ADAR: variants seen among roughly 807,000 people sequenced by gnomAD.
The protein encoded by ADAR is adenosine deaminase RNA specific.
Under a neutral mutation model 113.2 loss-of-function variants are expected in ADAR, and 41 were observed. That is an observed-to-expected ratio of 0.36 (90% CI 0.28 to 0.47). The LOEUF is 0.47. ADAR is among the 20% of genes least tolerant of loss of function. The probability of loss-of-function intolerance (pLI) is 1.00; values close to 1 mark genes in which losing one functional copy is unlikely to be tolerated. For synonymous variants in ADAR, 605 were observed against 572.6 expected (o/e 1.06, Z -0.81); for missense variants, 1,242 against 1,540.9 (o/e 0.81, Z 3.25).
At chr1:154,617,833 A>G (rs2101692725) in intron 1 of ADAR, among the ~76,000 whole-genome samples, 1 of 152,106 alleles carries the variant, frequency 6.6e-6, no homozygotes, top group African/African-American at 2.4e-5. Flanking sequence ...TTTTCTACCT[A>G]TGGAAATTCT....
At position 154,589,373 on chromosome 1, in the gene ADAR, T is replaced by A; in HGVS notation, c.2758A>T (p.Ile920Phe). Reference sequence around the variant, plus strand: ...CACAGCTCTGACCTCGCTCACCTGATGAAGCCTCTCCGGGAGATTATTTCT... The same window carrying A: ...CACAGCTCTGACCTCGCTCACCTGAAGAAGCCTCTCCGGGAGATTATTTCT... ...HAEIISRRGF[I>F]RFLYSELMKY... is the part of the protein sequence containing the mutation. Residue 920 changes from isoleucine (I) to phenylalanine (F), a missense_variant, in exon 9 of 15, where the codon ATC becomes TTC. Transcript: ENST00000368474. The A allele has an allele frequency of 6.2e-7, 1 of 1,614,044 alleles. No homozygotes were observed. Among genetic ancestry groups the A allele is most frequent in the Non-Finnish European group, 8.5e-7 (1 of 1,179,920 alleles).
Position 154,601,361 on chromosome 1 carries a change from T to C in ADAR, c.1281A>G (p.Pro427=), listed in dbSNP as rs147766807. ...IKLENRQEAR[P]EPARLKPPVH... ...CAGGTGGTTTCAGTCTTGCTGGTTC[T>C]GGTCTGGCCTCTTGCCTGTTTTCTA... is the stretch of plus-strand genomic sequence containing the variant. Residue 427 remains proline, a synonymous_variant, in exon 2 of 15, where the codon CCA becomes CCG. Transcript: ENST00000368474. This position sits in a 1 kb window ranked among gnomAD's most constrained non-coding sequence, Gnocchi z 4.7. The C allele has an allele frequency of 1.9e-6, 3 of 1,614,278 alleles. No homozygotes were observed. The highest frequency in any genetic ancestry group is 2.2e-5 in the East Asian group (1 of 44,888).
At chr1:154,591,541 G>A (rs1383814499) in intron 6 of ADAR, among the ~76,000 whole-genome samples, 1 of 152,242 alleles carries the variant, frequency 6.6e-6, no homozygotes, top group East Asian at 1.9e-4. Flanking sequence ...GGAGCAGGGA[G>A]GTGGCTTCTA....
intron 14 of ADAR, 58 bp from the exon 15 acceptor site, chr1:154,585,101 G>A (rs1696661376): frequency 1.2e-6 from 2 of 1,611,614 alleles, no homozygotes; most frequent in Admixed American, 3.3e-5. Flanking sequence ...GGAGCTCACA[G>A]TGGAGACACC....
chr1:154,624,445 G>T (rs1698880112), intron 1 of ADAR, among the ~76,000 whole-genome samples: 1 of 152,172 alleles, frequency 6.6e-6, no homozygotes, highest in African/African-American at 2.4e-5. Flanking sequence ...ACTGAGGGGG[G>T]TGTAAGTCAC....
chr1:154,588,768 G>A (rs1696933592), intron 9 of ADAR, 95 bp from the exon 10 acceptor site: 2 of 1,543,182 alleles, frequency 1.3e-6, no homozygotes, highest in Non-Finnish European at 1.8e-6. Flanking sequence ...GTAAGGAAAA[G>A]TCTCAATGTT....
intron 4 of ADAR, 58 bp from the exon 5 acceptor site, chr1:154,597,325 C>A (rs1697569588): frequency 6.2e-7 from 1 of 1,600,214 alleles, no homozygotes; most frequent in East Asian, 2.2e-5. Context: ...GGAGCCTGAC[C>A]TAGCCTCTGC....
chr1:154,595,588 A>G (rs1280538387), intron 6 of ADAR, among the ~76,000 whole-genome samples: 1 of 152,248 alleles, frequency 6.6e-6, no homozygotes, highest in Non-Finnish European at 1.5e-5. Context: ...ATAGCAGTAC[A>G]ACATGTTTGT....
chr1:154,590,035 C>G, intron 7 of ADAR, 107 bp from the exon 8 acceptor site: 1 of 1,516,734 alleles, frequency 6.6e-7, no homozygotes, highest in Non-Finnish European at 9.1e-7. Context: ...GTCATCTTTT[C>G]CTTCTTACAT....
intron 6 of ADAR, among the ~76,000 whole-genome samples, chr1:154,593,132 C>A (rs371574162): frequency 6.4e-5 from 1 of 15,620 alleles, no homozygotes; most frequent in Admixed American, 1.3e-3. Flanking sequence ...GAGACTCCAT[C>A]TCCAAAAAAA....
chr1:154,597,691 A>G, intron 4 of ADAR, 137 bp downstream of exon 4: 1 of 1,159,758 alleles, frequency 8.6e-7, no homozygotes, highest in Non-Finnish European at 1.3e-6. Context: ...AGCAACCAGG[A>G]CCTCAGAGCC....
intron 9 of ADAR, 111 bp from the exon 10 acceptor site, chr1:154,588,784 C>CCTTTCACA (rs1696934603): frequency 6.8e-7 from 1 of 1,467,980 alleles, no homozygotes; most frequent in South Asian, 1.1e-5. Context: ...ATGTTGCAGA[C>CCTTTCACA]GTTTCACAGT....
chr1:154,610,927 C>T (rs2101680195), upstream of ADAR, among the ~76,000 whole-genome samples: 1 of 150,492 alleles, frequency 6.6e-6, no homozygotes, highest in Non-Finnish European at 1.5e-5. Flanking sequence ...GATGTTCTAG[C>T]TCTTGACTTG....
At chr1:154,610,536 C>T (rs529279006), upstream of ADAR, among the ~76,000 whole-genome samples, 85 of 152,100 alleles carry the variant, frequency 5.6e-4, no homozygotes, top group Non-Finnish European at 1.1e-3. Flanking sequence ...TGAGGCCGGG[C>T]GCAGTGGCTC....
chr1:154,593,719 T>C (rs1407895464), intron 6 of ADAR, among the ~76,000 whole-genome samples: 1 of 152,210 alleles, frequency 6.6e-6, no homozygotes, highest in Non-Finnish European at 1.5e-5. Context: ...AATTGGGTCA[T>C]GTTGGGCAAA....
intron 1 of ADAR, among the ~76,000 whole-genome samples, chr1:154,615,820 T>C (rs1698619609): frequency 6.6e-6 from 1 of 152,182 alleles, no homozygotes; most frequent in South Asian, 2.1e-4. Flanking sequence ...ATACCATTAA[T>C]TTATATTTTT....
At chr1:154,590,063 G>GCTCTCTC (rs1455172434) in intron 7 of ADAR, 121 bp downstream of exon 7, 1 of 1,477,922 alleles carries the variant, frequency 6.8e-7, no homozygotes, top group African/African-American at 1.4e-5. Flanking sequence ...CCCAGTTACT[G>GCTCTCTC]CTCTCTCGAG....
chr1:154,603,643 ACCTG>A (rs1698020834), intron 1 of ADAR, among the ~76,000 whole-genome samples: 1 of 151,536 alleles, frequency 6.6e-6, no homozygotes, highest in Non-Finnish European at 1.5e-5. Flanking sequence ...CCACCCACCC[ACCTG>A]CAAACCAGTA....
chr1:154,589,713 T>C (rs774279898), intron 8 of ADAR, 44 bp downstream of exon 8: 36 of 1,612,908 alleles, frequency 2.2e-5, no homozygotes, highest in Non-Finnish European at 3.1e-5. Flanking sequence ...AGGCACCCGC[T>C]TTCAGGCGCC....
Sources: gnomAD v4.1 joint callset for allele counts (sites outside exome capture counted in the v4.1 genomes callset) on GRCh38, gnomAD v4.1.1 for gene constraint, Gnocchi (gnomAD v3.1) non-coding constraint, MANE v1.5 for transcripts, NCBI Gene and HGNC (gene_info 2026-07-23, HGNC 2026-07-21) for gene names.